STARD9: variants seen among roughly 807,000 people sequenced by gnomAD.
STARD9 encodes StAR related lipid transfer domain containing 9.
A neutral mutation model predicts 399.8 loss-of-function variants in STARD9; 346 were observed. The ratio of observed to expected loss-of-function variants is 0.87; its 90% CI spans 0.79 to 0.95. STARD9 has a LOEUF of 0.95. Among genes scored for constraint, STARD9 ranks in the 40% least tolerant of loss-of-function variants. The probability of loss-of-function intolerance (pLI) is 0.00; values close to 1 mark genes in which losing one functional copy is unlikely to be tolerated. For missense variants in STARD9, 5,832 were observed against 5,667.5 expected (o/e 1.03, Z -0.93); for synonymous variants, 2,203 against 2,143.5 (o/e 1.03, Z -0.77).
rs149227606 is a variant in STARD9, at chr15:42,612,880, A to T, written c.235-21976A>T. ...ATGCCTGTAATCCTAGCTACTCAGGAGGCTGAGGCAGGAGAATTGCTTGAA... is the reference window on the plus strand; with the variant it reads ...ATGCCTGTAATCCTAGCTACTCAGGTGGCTGAGGCAGGAGAATTGCTTGAA... On this transcript the variant is annotated intron_variant, in intron 3 of 32. Transcript: ENST00000290607. 7.1e-4 allele frequency among the ~76,000 whole-genome samples: 107 copies of T among 151,564 alleles called. 1 individual carries two copies. In the East Asian group the frequency reaches 0.017, roughly 23 times the overall value.
At chr15:42,641,452 G>A (rs919149726) in intron 7 of STARD9, among the ~76,000 whole-genome samples, 1 of 151,914 alleles carries the variant, frequency 6.6e-6, no homozygotes, top group African/African-American at 2.4e-5. Context: ...TGCCATGTTG[G>A]TGTGCTGCAC....
rs576978194 is a variant in STARD9, at chr15:42,674,992, C to G, written c.1687+28C>G. 9 of 1,492,610 alleles carry G rather than the reference C, an allele frequency of 6.0e-6. No homozygotes were observed. The African/African-American group carries it at 9.8e-5, about 16-fold the overall frequency. 92.5% of individuals were successfully genotyped at this position (1,492,610 alleles called of 1,614,324 possible). On this transcript the variant is annotated intron_variant, in intron 18 of 32. Coordinates refer to ENST00000290607, the MANE Select transcript of STARD9 (RefSeq NM_020759.3). ...AGGACTGTCTGTAGCCCTGTTTATC[C>G]CAAGATGAGTGATGGACCAGCTCCA...
At chr15:42,603,201 T>A (rs142117976) in intron 3 of STARD9, among the ~76,000 whole-genome samples, 2,260 of 152,106 alleles carry the variant, frequency 0.015, 28 homozygotes, top group Middle Eastern at 0.058. Context: ...CGAGACAGAG[T>A]CTTGCTCTGT....
intron 10 of STARD9, 142 bp downstream of exon 10, chr15:42,661,367 A>G (rs1371271052): frequency 1.5e-6 from 1 of 665,362 alleles, no homozygotes; most frequent in South Asian, 1.9e-5. Context: ...TAGGTTAAGA[A>G]GTTATTTTCT....
intron 3 of STARD9, among the ~76,000 whole-genome samples, chr15:42,626,497 C>G (rs1444488535): frequency 6.4e-5 from 9 of 140,468 alleles, no homozygotes; most frequent in Non-Finnish European, 6.2e-5. Context: ...TCTTCCTCTT[C>G]TTTTTTTTTT....
At chr15:42,651,300 G>T (rs892987630) in intron 8 of STARD9, among the ~76,000 whole-genome samples, 10 of 152,170 alleles carry the variant, frequency 6.6e-5, no homozygotes, top group Non-Finnish European at 1.2e-4. Flanking sequence ...GCTGGAATCT[G>T]TTCTGGACAT....
At chr15:42,583,649 T>A (rs1338506663) in intron 2 of STARD9, among the ~76,000 whole-genome samples, 2 of 152,150 alleles carry the variant, frequency 1.3e-5, no homozygotes, top group Non-Finnish European at 2.9e-5. Flanking sequence ...TGCATCTGTT[T>A]TGGAAATTAG....
In STARD9 at chr15:42,691,440, A is replaced by C; in HGVS notation, c.9862A>C (p.Ser3288Arg). The change falls in exon 23 of 33, where the codon AGT becomes CGT. Residue 3288 changes from serine (S) to arginine (R), a missense_variant. Physicochemically the swap from Ser to Arg is moderately radical, Grantham distance 110. Around this residue, in one of 2 missense-constraint regions of STARD9, gnomAD observed 5,828 missense variants for 5,651.1 expected, o/e 1.03. Coordinates refer to ENST00000290607, the MANE Select transcript of STARD9 (RefSeq NM_020759.3). ...AACACCGCAGCCTGCTGCTCAGAGGAGTGGCCACCTCTACACTGGCAGAGA... is the reference window on the plus strand; with the variant it reads ...AACACCGCAGCCTGCTGCTCAGAGGCGTGGCCACCTCTACACTGGCAGAGA... ...NETPQPAAQR[S>R]GHLYTGREQP... The C allele has an allele frequency of 6.5e-7, 1 of 1,537,192 alleles. No individual in the cohort carries two copies. Among genetic ancestry groups the C allele is most frequent in the East Asian group, 2.4e-5 (1 of 40,912 alleles).
intron 3 of STARD9, among the ~76,000 whole-genome samples, chr15:42,605,521 A>C (rs1346766720): frequency 6.6e-6 from 1 of 152,224 alleles, no homozygotes; most frequent in Non-Finnish European, 1.5e-5. Context: ...ATCTGTATAC[A>C]AATAGCCCCT....
chr15:42,694,018 G>A lies in STARD9; in HGVS notation c.12440G>A (p.Gly4147Glu). 2 of 1,527,006 alleles carry A rather than the reference G, an allele frequency of 1.3e-6. No homozygotes were observed. The highest frequency in any genetic ancestry group is 2.0e-5 in the Admixed American group (1 of 49,708). The allele number at this position is 1,527,006 out of a possible 1,614,324, so 94.6% of individuals were successfully genotyped here. A position where few individuals can be genotyped will look rare whatever the true frequency, so the allele number is the denominator to read the frequency against. The change falls in exon 23 of 33, where the codon GGG becomes GAG. Residue 4147 changes from glycine to glutamate, a missense_variant. This residue lies in a region of STARD9 where 5,828 missense variants were observed against 5,651.1 expected (regional missense o/e 1.03). Transcript: ENST00000290607. Reference protein sequence around the residue: ...PVHNKFSNWCGVQKGSPGGLD... With the variant: ...PVHNKFSNWCEVQKGSPGGLD... ...CATAACAAATTTAGTAACTGGTGTG[G>A]GGTTCAGAAGGGCTCACCTGGGGGG...
At chr15:42,665,754 A>G in intron 14 of STARD9, 32 bp from the exon 15 acceptor site, 1 of 1,534,164 alleles carries the variant, frequency 6.5e-7, no homozygotes, top group East Asian at 2.4e-5. Flanking sequence ...CAGACCAGGA[A>G]AATATCAAAG....
chr15:42,649,921 C>T (rs916884516), intron 7 of STARD9, among the ~76,000 whole-genome samples: 3 of 139,748 alleles, frequency 2.1e-5, no homozygotes, highest in Non-Finnish European at 4.5e-5. Context: ...GGCTGGAGTG[C>T]AATGGCGCGA....
At chr15:42,599,855 G>T (rs1279022747) in intron 3 of STARD9, among the ~76,000 whole-genome samples, 1 of 152,200 alleles carries the variant, frequency 6.6e-6, no homozygotes, top group Admixed American at 6.5e-5. Flanking sequence ...GGATTACCAG[G>T]CTTTAGGTAT....
intron 3 of STARD9, among the ~76,000 whole-genome samples, chr15:42,586,282 T>C (rs569750741): frequency 1.3e-5 from 2 of 152,354 alleles, no homozygotes; most frequent in South Asian, 4.1e-4. Flanking sequence ...GCTAGACAGC[T>C]AGTCAGCCAG....
chr15:42,685,115 T>A lies in STARD9; in HGVS notation c.3537T>A (p.Thr1179=). ...TNNRGQPRTR[T]RASVRGFTAA... ...ACCGTGGCCAACCCAGGACCAGAACTAGAGCTTCTGTGAGGGGCTTCACTG... is the reference window on the plus strand; with the variant it reads ...ACCGTGGCCAACCCAGGACCAGAACAAGAGCTTCTGTGAGGGGCTTCACTG... The change falls in exon 23 of 33, where the codon ACT becomes ACA. Residue 1179 remains threonine (T), a synonymous_variant. Coordinates refer to ENST00000290607, the MANE Select transcript of STARD9 (RefSeq NM_020759.3). 1 of 1,537,206 alleles carries A rather than the reference T, an allele frequency of 6.5e-7. No individual in the cohort carries two copies. Among genetic ancestry groups the A allele is most frequent in the Non-Finnish European group, 8.7e-7 (1 of 1,146,912 alleles).
In STARD9 at chr15:42,683,938, C is replaced by A. The variant is rs1466628893; in HGVS notation, c.2538-178C>A. 2.6e-5 allele frequency among the ~76,000 whole-genome samples: 4 copies of A among 152,306 alleles called. No homozygotes were observed. In the South Asian group the frequency reaches 6.2e-4, roughly 24 times the overall value. On this transcript the variant is annotated intron_variant, in intron 22 of 32. Transcript: ENST00000290607. ...GAAGAAATTGAGGAACAGAGTGGGC[C>A]TGGAGCCTCTTGGAGAACTAGGACT... is the stretch of plus-strand genomic sequence containing the variant.
chr15:42,668,397 C>T (rs1345712454), intron 15 of STARD9, among the ~76,000 whole-genome samples: 3 of 147,080 alleles, frequency 2.0e-5, no homozygotes, highest in African/African-American at 5.1e-5. Context: ...TTTTTCTGAG[C>T]TTCCTCAGTT....
intron 3 of STARD9, among the ~76,000 whole-genome samples, chr15:42,597,998 ATATGTGTGTGTGTGTGTGTGTG>A (rs1263296581): frequency 8.9e-6 from 1 of 112,694 alleles, no homozygotes; most frequent in Non-Finnish European, 1.8e-5. Flanking sequence ...TTGTATATAT[ATATGTGTGTGTGTGTGTGTGTG>A]TGTGTGTGTG....
intron 20 of STARD9, among the ~76,000 whole-genome samples, chr15:42,676,276 T>G (rs942482559): frequency 2.4e-4 from 37 of 152,332 alleles, no homozygotes; most frequent in African/African-American, 8.9e-4. Context: ...TCCACAAAAT[T>G]TAGCTGTGCT....
Sources: gnomAD v4.1 joint callset for allele counts (sites outside exome capture counted in the v4.1 genomes callset) on GRCh38, gnomAD v4.1.1 for gene constraint, gnomAD v4.1.1 regional missense constraint, MANE v1.5 for transcripts, NCBI Gene and HGNC (gene_info 2026-07-23, HGNC 2026-07-21) for gene names.